Variants in PLSCR4 observed in about 807,000 individuals in gnomAD.
PLSCR4 encodes phospholipid scramblase 4.
PLSCR4 carries 25 observed loss-of-function variants against 36.3 expected under a neutral mutation model. The observed-to-expected ratio is 0.69, with a 90% CI of 0.50 to 0.96. PLSCR4 has a LOEUF of 0.96. PLSCR4 is among the 40% of genes least tolerant of loss of function. The probability of loss-of-function intolerance (pLI) is 0.00; values close to 1 mark genes in which losing one functional copy is unlikely to be tolerated. For missense variants in PLSCR4, 408 were observed against 414.7 expected, an observed-to-expected ratio of 0.98 and a Z score of 0.14; for synonymous variants, 122 against 132.9, an observed-to-expected ratio of 0.92 and a Z score of 0.56.
intron 2 of PLSCR4, 96 bp downstream of exon 2, chr3:146,221,969 A>G (rs569361874): frequency 1.2e-4 from 60 of 505,638 alleles, no homozygotes; most frequent in Non-Finnish European, 2.0e-4. Flanking sequence ...AATGTTAAAC[A>G]AAAAAAAATC....
In PLSCR4 at chr3:146,203,643, C is replaced by T. The variant is rs1162859312; in HGVS notation, c.355-2566G>A. On this transcript the variant is annotated intron_variant, in intron 4 of 8. Coordinates refer to ENST00000354952, the MANE Select transcript of PLSCR4 (RefSeq NM_020353.3). ...AAAGTGCCTTTTTTCCCCCCTTAAG[C>T]CTTGTGAGCCAACCTCTGCCAGCTT... Among the ~76,000 whole-genome samples, 7 of 151,960 alleles carry T rather than the reference C, an allele frequency of 4.6e-5. No individual in the cohort carries two copies. In the East Asian group the frequency reaches 1.4e-3, roughly 29 times the overall value.
chr3:146,243,237 T>C (rs2036217097), intron 1 of PLSCR4, among the ~76,000 whole-genome samples: 2 of 147,020 alleles, frequency 1.4e-5, no homozygotes, highest in Admixed American at 1.3e-4. Flanking sequence ...ACTGTATACA[T>C]CTTTTTTTTT....
rs990583398 is a variant in PLSCR4 at position 146,225,134 on chromosome 3, G to C, written c.-21-3042C>G. 2.6e-5 allele frequency among the ~76,000 whole-genome samples: 4 copies of C among 152,126 alleles called. No homozygotes were observed. In the South Asian group the frequency reaches 6.2e-4, roughly 24 times the overall value. On this transcript the variant is annotated intron_variant, in intron 1 of 8. Coordinates refer to ENST00000354952, the MANE Select transcript of PLSCR4 (RefSeq NM_020353.3). ...GCAGCTAGATACAGAGTGTCCATTGGTGCACTCACAAACCTTGAGCTAAAC... is the reference window on the plus strand; with the variant it reads ...GCAGCTAGATACAGAGTGTCCATTGCTGCACTCACAAACCTTGAGCTAAAC...
Position 146,248,494 on chromosome 3 carries a change from A to G in PLSCR4, c.-22+2466T>C, listed in dbSNP as rs567702025. On this transcript the variant is annotated intron_variant, in intron 1 of 8. Transcript: ENST00000354952. ...TACTACACTACACACACACAGACAC[A>G]CACACACACACACAGTGTTTCAACT... is the stretch of plus-strand genomic sequence containing the variant. 6.6e-4 allele frequency among the ~76,000 whole-genome samples: 101 copies of G among 151,908 alleles called. No individual in the cohort carries two copies. In the South Asian group the frequency reaches 8.1e-3, roughly 12 times the overall value.
chr3:146,221,106 T>G (rs947364691), intron 2 of PLSCR4, among the ~76,000 whole-genome samples, 181 bp from the exon 3 acceptor site: 1 of 152,204 alleles, frequency 6.6e-6, no homozygotes, highest in Non-Finnish European at 1.5e-5. Flanking sequence ...TTTCATGAAT[T>G]TTCAAACTGA....
chr3:146,207,845 T>G (rs191948637), intron 3 of PLSCR4, among the ~76,000 whole-genome samples: 1 of 152,190 alleles, frequency 6.6e-6, no homozygotes. Flanking sequence ...CAAGATTTTA[T>G]CATGCTTTAA....
In PLSCR4 at chr3:146,195,199, G is replaced by T. The variant is rs2033660444; in HGVS notation, c.870C>A (p.Asp290Glu). 6.2e-7 allele frequency: 1 copy of T among 1,613,152 alleles called. No homozygotes were observed. Among genetic ancestry groups the T allele is most frequent in the Non-Finnish European group, 8.5e-7 (1 of 1,179,168 alleles). ...NGLLSAMADA[D>E]HFDIHFPLDL... is the part of the protein sequence containing the mutation. The stretch of plus-strand genomic sequence containing the variant: ...CTAGTGGGAAGTGAATGTCAAAATG[G>T]TCAGCATCTGCCATTGCTGATAACA... Residue 290 changes from aspartate (D) to glutamate (E), a missense_variant, in exon 8 of 9, where the codon GAC (aspartate) becomes GAA (glutamate). By Grantham distance (45) the Asp-to-Glu change is conservative (BLOSUM62 2). Transcript: ENST00000354952.
chr3:146,231,095 C>T (rs985936979), intron 1 of PLSCR4, among the ~76,000 whole-genome samples: 34 of 152,088 alleles, frequency 2.2e-4, no homozygotes, highest in African/African-American at 8.0e-4. Flanking sequence ...GTTTAGCTCC[C>T]ACTATAAATG....
intron 1 of PLSCR4, among the ~76,000 whole-genome samples, chr3:146,228,717 TATAA>T (rs957913951): frequency 3.9e-5 from 3 of 77,790 alleles, no homozygotes; most frequent in Non-Finnish European, 6.4e-5. Context: ...TCTATCAACA[TATAA>T]ATATTGAGTT....
At chr3:146,224,585 C>T (rs1309842232) in intron 1 of PLSCR4, among the ~76,000 whole-genome samples, 5 of 152,016 alleles carry the variant, frequency 3.3e-5, no homozygotes, top group Admixed American at 3.3e-4. Context: ...GTGAGTGTTA[C>T]AGCTCATAAA....
chr3:146,206,689 T>C lies in PLSCR4; in HGVS notation c.191A>G (p.Gln64Arg). Residue 64 changes from glutamine (Q) to arginine (R), a missense_variant, in exon 4 of 9, where the codon CAG (glutamine) becomes CGG (arginine). Gln to Arg is a conservative substitution (Grantham distance 43). Coordinates refer to ENST00000354952, the MANE Select transcript of PLSCR4 (RefSeq NM_020353.3). Reference sequence around the variant, plus strand: ...GTACAAAGGGAAGGTACTGGGTTGCTGTGGACTGTAGTATCCCATAGGCAA... The same window carrying C: ...GTACAAAGGGAAGGTACTGGGTTGCCGTGGACTGTAGTATCCCATAGGCAA... ...GGLPMGYYSPQQPSTFPLYQP... is the reference protein window; with the variant it reads ...GGLPMGYYSPRQPSTFPLYQP... The C allele has an allele frequency of 6.2e-7, 1 of 1,612,768 alleles. No individual in the cohort carries two copies. Among genetic ancestry groups the C allele is most frequent in the Non-Finnish European group, 8.5e-7 (1 of 1,179,338 alleles).
Position 146,251,056 on chromosome 3 carries a change from G to C in PLSCR4, c.-118C>G, listed in dbSNP as rs1313491586. ...GAAAGGAAAGGAGGCAGGGAAGGGA[G>C]ACGGAGAGGATTTTTCAAGTTATAA... On this transcript the variant is annotated 5_prime_UTR_variant, in exon 1 of 9. Transcript: ENST00000354952. 6.5e-6 allele frequency: 1 copy of C among 152,692 alleles called. No individual in the cohort carries two copies. The highest frequency in any genetic ancestry group is 2.4e-5 in the African/African-American group (1 of 41,466). The allele number at this position is 152,692 out of a possible 1,614,324, so 9.5% of individuals were successfully genotyped here. A position where few individuals can be genotyped will look rare whatever the true frequency, so the allele number is the denominator to read the frequency against.
chr3:146,234,808 C>A (rs899637211), intron 1 of PLSCR4, among the ~76,000 whole-genome samples: 1 of 152,102 alleles, frequency 6.6e-6, no homozygotes, highest in Non-Finnish European at 1.5e-5. Context: ...CTGATCCTAA[C>A]AAAGACTTTA....
At chr3:146,217,605 G>A (rs1316422529) in intron 3 of PLSCR4, among the ~76,000 whole-genome samples, 2 of 152,362 alleles carry the variant, frequency 1.3e-5, no homozygotes, top group East Asian at 3.9e-4. Flanking sequence ...GGAGCAGAGA[G>A]TGGAGAAATG....
At chr3:146,218,861 T>C (rs1486011030) in intron 3 of PLSCR4, among the ~76,000 whole-genome samples, 2 of 152,216 alleles carry the variant, frequency 1.3e-5, no homozygotes, top group African/African-American at 4.8e-5. Flanking sequence ...ATTTTCTCTT[T>C]AAATATACTA....
At chr3:146,244,548 T>A (rs975825881) in intron 1 of PLSCR4, among the ~76,000 whole-genome samples, 2 of 152,110 alleles carry the variant, frequency 1.3e-5, no homozygotes, top group African/African-American at 4.8e-5. Flanking sequence ...TATGGTGATC[T>A]ATGATCAGTG....
In PLSCR4 at chr3:146,231,918, A is replaced by G. The variant is rs560605591; in HGVS notation, c.-21-9826T>C. Among the ~76,000 whole-genome samples the G allele has an allele frequency of 8.3e-5, 12 of 145,430 alleles. No individual in the cohort carries two copies. The South Asian group carries it at 2.8e-3, about 34-fold the overall frequency. On this transcript the variant is annotated intron_variant, in intron 1 of 8. Transcript: ENST00000354952. The stretch of plus-strand genomic sequence containing the variant: ...CAATTGCTTTTGGAGACTTAATCAC[A>G]AAATGTTTGCCAAGGCCTACATCCA...
chr3:146,226,313 AG>A (rs761241995), intron 1 of PLSCR4, among the ~76,000 whole-genome samples: 1 of 152,210 alleles, frequency 6.6e-6, no homozygotes, highest in Non-Finnish European at 1.5e-5. Flanking sequence ...ACCATTTGAC[AG>A]TTATATGTTG....
At position 146,229,400 on chromosome 3, in the gene PLSCR4, T is replaced by G. The variant is rs867663949; in HGVS notation, c.-21-7308A>C. Reference sequence around the variant, plus strand: ...CCAATAATTCAAGTAGTCATGCCAGTATAATAAAATCCCCATAAAAAACCT... The same window carrying G: ...CCAATAATTCAAGTAGTCATGCCAGGATAATAAAATCCCCATAAAAAACCT... On this transcript the variant is annotated intron_variant, in intron 1 of 8. Coordinates refer to ENST00000354952, the MANE Select transcript of PLSCR4 (RefSeq NM_020353.3). Among the ~76,000 whole-genome samples the G allele has an allele frequency of 2.6e-5, 4 of 152,074 alleles. No homozygotes were observed. In the South Asian group the frequency reaches 8.3e-4, roughly 32 times the overall value.
Sources: allele counts gnomAD v4.1 joint callset (sites outside exome capture counted in the v4.1 genomes callset), GRCh38; gene constraint gnomAD v4.1.1; transcripts MANE v1.5; gene names NCBI Gene and HGNC (gene_info 2026-07-23, HGNC 2026-07-21).